Variants in AGR3 observed in about 807,000 individuals in gnomAD.
AGR3 encodes anterior gradient protein 3.
Under a neutral mutation model 24.5 loss-of-function variants are expected in AGR3, and 37 were observed. The ratio of observed to expected loss-of-function variants is 1.51; its 90% CI spans 1.16 to 1.99. The LOEUF is 1.99. Among genes scored for constraint, AGR3 ranks in the 30% most tolerant of loss-of-function variants. The probability of loss-of-function intolerance (pLI) is 0.00; values close to 1 mark genes in which losing one functional copy is unlikely to be tolerated. For synonymous variants in AGR3, 75 were observed against 61.6 expected (o/e 1.22, Z -1.02); for missense variants, 228 against 191.1 (o/e 1.19, Z -1.14).
intron 3 of AGR3, among the ~76,000 whole-genome samples, chr7:16,868,278 C>G (rs1021129499): frequency 6.6e-5 from 10 of 152,020 alleles, no homozygotes; most frequent in African/African-American, 2.2e-4. Flanking sequence ...GCCTCAGACT[C>G]CCGAGTAGCT....
chr7:16,858,073 C>G (rs12536074), downstream of AGR3, among the ~76,000 whole-genome samples: 15,880 of 151,646 alleles, frequency 0.1, 951 homozygotes, highest in South Asian at 0.18. Flanking sequence ...CTGAAACCTC[C>G]ACCTCCCAGG....
chr7:16,864,769 C>G (rs1383549297), intron 3 of AGR3: 1 of 1,120,916 alleles, frequency 8.9e-7, no homozygotes, highest in African/African-American at 1.5e-5. Flanking sequence ...TTCTCCTTGG[C>G]AATGAGCATA....
intron 6 of AGR3, 87 bp downstream of exon 6, chr7:16,861,297 G>C: frequency 6.0e-6 from 6 of 1,003,108 alleles, no homozygotes; most frequent in Non-Finnish European, 8.7e-6. Context: ...AAAAAGAATA[G>C]TACTTGAACT....
chr7:16,857,633 T>C (rs1038270854), downstream of AGR3, among the ~76,000 whole-genome samples: 1 of 152,150 alleles, frequency 6.6e-6, no homozygotes, highest in Non-Finnish European at 1.5e-5. Flanking sequence ...TAGACTTTTA[T>C]CTAAAAAATC....
At chr7:16,864,174 C>A (rs983724777) in intron 3 of AGR3, 11 of 736,648 alleles carry the variant, frequency 1.5e-5, no homozygotes, top group Non-Finnish European at 2.1e-5. Flanking sequence ...TTGTGTAATT[C>A]ATCAGAGAAG....
chr7:16,865,114 C>T, intron 3 of AGR3: 2 of 743,182 alleles, frequency 2.7e-6, no homozygotes, highest in Non-Finnish European at 2.4e-6. Flanking sequence ...TTCCCCAAAG[C>T]TCGGAAGAGA....
intron 1 of AGR3, among the ~76,000 whole-genome samples, 199 bp from the exon 2 acceptor site, chr7:16,878,844 G>T (rs1235374756): frequency 6.6e-6 from 1 of 152,142 alleles, no homozygotes; most frequent in African/African-American, 2.4e-5. Context: ...ATGCTCAGTT[G>T]GTGAGAAGTC....
chr7:16,880,858 G>A (rs760887000), intron 1 of AGR3, among the ~76,000 whole-genome samples: 5 of 152,062 alleles, frequency 3.3e-5, no homozygotes, highest in African/African-American at 4.8e-5. Context: ...CAGGTTGGGA[G>A]TTGCAGTGGA....
At chr7:16,857,710 A>G (rs1446819169), downstream of AGR3, among the ~76,000 whole-genome samples, 1 of 152,226 alleles carries the variant, frequency 6.6e-6, no homozygotes, top group African/African-American at 2.4e-5. Flanking sequence ...AATAGGATAC[A>G]TGGGTCTCTA....
At chr7:16,864,558 A>C in intron 3 of AGR3, 1 of 1,406,706 alleles carries the variant, frequency 7.1e-7, no homozygotes, top group Non-Finnish European at 1.0e-6. Context: ...GGAGCCTTCC[A>C]ATATCTTGGA....
downstream of AGR3, among the ~76,000 whole-genome samples, chr7:16,859,210 C>A (rs11523682): frequency 0.46 from 68,696 of 150,026 alleles, 17,395 homozygotes; most frequent in Admixed American, 0.58. Flanking sequence ...CCAGCCTGGG[C>A]AACATAGTGA....
chr7:16,866,177 G>A (rs1169909797), intron 3 of AGR3: 1 of 527,668 alleles, frequency 1.9e-6, no homozygotes, highest in African/African-American at 1.9e-5. Context: ...TATGACTTGA[G>A]TTATTCACAC....
downstream of AGR3, among the ~76,000 whole-genome samples, chr7:16,856,590 C>T (rs1048141608): frequency 1.3e-5 from 2 of 152,136 alleles, no homozygotes; most frequent in Non-Finnish European, 2.9e-5. Context: ...TAATTAATCC[C>T]TTTTGAATGT....
chr7:16,855,887 G>C (rs1445420967), downstream of AGR3, among the ~76,000 whole-genome samples: 1 of 152,048 alleles, frequency 6.6e-6, no homozygotes, highest in Non-Finnish European at 1.5e-5. Context: ...AGAAAACTTT[G>C]TATACTTATG....
At chr7:16,866,013 C>T in intron 3 of AGR3, 1 of 654,554 alleles carries the variant, frequency 1.5e-6, no homozygotes, top group Non-Finnish European at 2.8e-6. Flanking sequence ...TTCATGCTAA[C>T]TTTCTGGTTT....
intron 2 of AGR3, among the ~76,000 whole-genome samples, chr7:16,874,637 G>A (rs1208768904): frequency 6.6e-6 from 1 of 152,068 alleles, no homozygotes. Context: ...AAGTCAGTTT[G>A]GGCCCAGGTT....
intron 3 of AGR3, chr7:16,865,721 C>A (rs1178845675): frequency 1.8e-5 from 14 of 765,888 alleles, no homozygotes; most frequent in South Asian, 1.6e-4. Flanking sequence ...AAACTCTTTG[C>A]AAACTGCTAT....
intron 7 of AGR3, among the ~76,000 whole-genome samples, chr7:16,860,079 G>C (rs1039788983): frequency 1.4e-5 from 2 of 142,290 alleles, no homozygotes; most frequent in Non-Finnish European, 3.0e-5. Context: ...AACATACCAA[G>C]ACCCTGTCTC....
intron 3 of AGR3, among the ~76,000 whole-genome samples, chr7:16,872,676 T>C (rs1390198190): frequency 2.0e-5 from 3 of 152,146 alleles, no homozygotes; most frequent in Admixed American, 1.3e-4. Context: ...AACTGTAGAA[T>C]AGGAGAAATT....
Sources: gnomAD v4.1 joint callset for allele counts (sites outside exome capture counted in the v4.1 genomes callset) on GRCh38, gnomAD v4.1.1 for gene constraint, MANE v1.5 for transcripts, NCBI Gene and HGNC (gene_info 2026-07-23, HGNC 2026-07-21) for gene names.